The following NEBL variants were observed in gnomAD, a reference collection of about 807,000 sequenced individuals.
The protein encoded by NEBL is LIM and SH3 protein 2.
In NEBL, 122 loss-of-function variants were observed where a neutral mutation model predicts 140.2. The ratio of observed to expected loss-of-function variants is 0.87; its 90% CI spans 0.75 to 1.01. NEBL has a LOEUF of 1.01. Ranked by LOEUF, NEBL falls within the 50% of genes least tolerant of loss-of-function variation. The pLI, the probability that NEBL is intolerant of heterozygous loss-of-function variation, is 0.00. For synonymous variants in NEBL, 436 were observed against 398.9 expected (o/e 1.09, Z -1.11); for missense variants, 1,365 against 1,231.3 (o/e 1.11, Z -1.62).
intron 2 of NEBL, among the ~76,000 whole-genome samples, chr10:21,152,772 G>A (rs1840193390): frequency 6.6e-6 from 1 of 152,102 alleles, no homozygotes; most frequent in African/African-American, 2.4e-5. Context: ...AGAAAAGAAA[G>A]ACTAATGAGT....
intron 3 of NEBL, among the ~76,000 whole-genome samples, chr10:20,965,668 T>C (rs1836278151): frequency 6.6e-6 from 1 of 152,198 alleles, no homozygotes; most frequent in African/African-American, 2.4e-5. Context: ...CGGTATGCCC[T>C]GACTTGTGTT....
chr10:20,786,943 C>A (rs1168185429), intron 27 of NEBL, among the ~76,000 whole-genome samples: 1 of 152,134 alleles, frequency 6.6e-6, no homozygotes, highest in Non-Finnish European at 1.5e-5. Flanking sequence ...CATGAAGTAA[C>A]AATTAGGATA....
intron 1 of NEBL, among the ~76,000 whole-genome samples, chr10:21,257,801 C>T (rs554202028): frequency 1.3e-5 from 2 of 151,900 alleles, no homozygotes; most frequent in African/African-American, 2.4e-5. Flanking sequence ...AGGAGAATGG[C>T]GTGAAACCAG....
At chr10:21,087,844 G>A (rs1836711046) in intron 2 of NEBL, among the ~76,000 whole-genome samples, 1 of 152,090 alleles carries the variant, frequency 6.6e-6, no homozygotes, top group African/African-American at 2.4e-5. Flanking sequence ...TGACTTACGT[G>A]GAAATTACTG....
chr10:21,274,911 C>T (rs1842901015), intron 1 of NEBL, among the ~76,000 whole-genome samples: 1 of 151,902 alleles, frequency 6.6e-6, no homozygotes, highest in Non-Finnish European at 1.5e-5. Context: ...AGGTCTTCAT[C>T]CTCATCATCT....
chr10:21,116,706 G>A (rs1450210537), intron 2 of NEBL, among the ~76,000 whole-genome samples: 1 of 152,012 alleles, frequency 6.6e-6, no homozygotes, highest in Non-Finnish European at 1.5e-5. Context: ...AGGTCTTGCT[G>A]TCACTCAGGC....
chr10:20,824,230 C>T (rs1322012762), intron 18 of NEBL, among the ~76,000 whole-genome samples: 3 of 152,002 alleles, frequency 2.0e-5, no homozygotes, highest in Non-Finnish European at 4.4e-5. Flanking sequence ...CTTAAGAGGC[C>T]GTGTTGAAAT....
intron 4 of NEBL, among the ~76,000 whole-genome samples, chr10:20,952,030 C>T (rs551541843): frequency 4.1e-4 from 62 of 152,304 alleles, no homozygotes; most frequent in African/African-American, 1.3e-3. Flanking sequence ...TTCTGAACTA[C>T]ATAATTCAAC....
chr10:20,825,342 T>C (rs980793921), intron 18 of NEBL, among the ~76,000 whole-genome samples: 1 of 152,044 alleles, frequency 6.6e-6, no homozygotes, highest in Admixed American at 6.6e-5. Context: ...AAAGAACGAA[T>C]CCTTTTTACT....
At chr10:20,972,717 A>G (rs893945080) in intron 3 of NEBL, among the ~76,000 whole-genome samples, 5 of 152,138 alleles carry the variant, frequency 3.3e-5, no homozygotes, top group African/African-American at 1.2e-4. Context: ...ACTGCACTCC[A>G]GCCTGGTGAC....
chr10:21,095,420 A>G (rs1837140726), intron 2 of NEBL, among the ~76,000 whole-genome samples: 2 of 152,240 alleles, frequency 1.3e-5, no homozygotes, highest in South Asian at 4.1e-4. Context: ...TCGATGTAGA[A>G]TTTTAAAATT....
At chr10:21,013,287 C>T (rs573923664) in intron 3 of NEBL, among the ~76,000 whole-genome samples, 13 of 152,244 alleles carry the variant, frequency 8.5e-5, no homozygotes, top group African/African-American at 3.1e-4. Context: ...ATTTACGTTG[C>T]CTCAAAACCT....
At chr10:21,026,768 C>T (rs1833517443) in intron 2 of NEBL, among the ~76,000 whole-genome samples, 1 of 152,194 alleles carries the variant, frequency 6.6e-6, no homozygotes. Flanking sequence ...GAAAGGCCTG[C>T]TTAGAAGGAT....
chr10:21,030,414 C>T (rs1177526008), intron 2 of NEBL: 4 of 620,210 alleles, frequency 6.4e-6, no homozygotes, highest in East Asian at 4.2e-5. Flanking sequence ...GAAAATGAAA[C>T]ACTCAGTAAG....
rs537734785 is a variant in NEBL, at chr10:21,005,027, A to G, written c.249+15090T>C. Among the ~76,000 whole-genome samples, 96 of 152,320 alleles carry G rather than the reference A, an allele frequency of 6.3e-4. 1 individual carries two copies. The highest frequency in any genetic ancestry group is 2.3e-3 in the African/African-American group (96 of 41,560). ...AAAAAGGAAATCAAGACCTCACCCA[A>G]ACAAATTCTTAGGTTCTTACTGGCC... On this transcript the variant is annotated intron_variant, in intron 3 of 6. Transcript: ENST00000417816.
chr10:21,011,248 C>T (rs1473053511), intron 3 of NEBL, among the ~76,000 whole-genome samples: 1 of 152,086 alleles, frequency 6.6e-6, no homozygotes, highest in Non-Finnish European at 1.5e-5. Flanking sequence ...TGGTCTAGTG[C>T]TATATTTACC....
intron 1 of NEBL, among the ~76,000 whole-genome samples, chr10:21,273,391 T>C (rs1360606849): frequency 6.6e-6 from 1 of 152,172 alleles, no homozygotes; most frequent in African/African-American, 2.4e-5. Context: ...AATTTCCTAA[T>C]AGTCCTGGAG....
At chr10:21,119,756 A>T (rs1391065909) in intron 2 of NEBL, among the ~76,000 whole-genome samples, 2 of 152,082 alleles carry the variant, frequency 1.3e-5, no homozygotes, top group African/African-American at 4.8e-5. Flanking sequence ...ATTATCTATT[A>T]TATAGTCCAT....
Position 20,812,802 on chromosome 10 carries a change from C to T in NEBL, c.2485G>A (p.Val829Met), listed in dbSNP as rs727504979. Residue 829 changes from valine (V) to methionine (M), a missense_variant, in exon 24 of 28, where the codon GTG (valine) becomes ATG (methionine). Coordinates refer to ENST00000377122, the MANE Select transcript of NEBL (RefSeq NM_006393.3). Reference sequence around the variant, plus strand: ...ATTCCAGGTCTCCTGTCCATCTCCACGATGTGAGGGTGGACCCCTTTATAG... The same window carrying T: ...ATTCCAGGTCTCCTGTCCATCTCCATGATGTGAGGGTGGACCCCTTTATAG... ...AAYKGVHPHI[V>M]EMDRRPGIIV... 3.7e-5 allele frequency: 60 copies of T among 1,613,980 alleles called. No individual in the cohort carries two copies. Among genetic ancestry groups the T allele is most frequent in the Middle Eastern group, 1.6e-4 (1 of 6,062 alleles).
Sources: allele counts gnomAD v4.1 joint callset (sites outside exome capture counted in the v4.1 genomes callset), GRCh38; gene constraint gnomAD v4.1.1; transcripts MANE v1.5; gene names NCBI Gene and HGNC (gene_info 2026-07-23, HGNC 2026-07-21).